FAM117B: variants seen among roughly 807,000 people sequenced by gnomAD.
The protein encoded by FAM117B is protein FAM117B.
In FAM117B, 22 loss-of-function variants were observed where a neutral mutation model predicts 52.8. The observed-to-expected ratio is 0.42, with a 90% CI of 0.30 to 0.59. FAM117B has a LOEUF of 0.59. FAM117B is among the 20% of genes least tolerant of loss of function. The pLI is 0.22. For synonymous variants in FAM117B, 309 were observed against 324.1 expected (o/e 0.95, Z 0.50); for missense variants, 678 against 802.6 (o/e 0.84, Z 1.88).
intron 1 of FAM117B, among the ~76,000 whole-genome samples, chr2:202,695,467 G>C (rs1372385776): frequency 6.6e-6 from 1 of 152,074 alleles, no homozygotes; most frequent in Non-Finnish European, 1.5e-5. Flanking sequence ...CTCCCTACCT[G>C]CTAGTCACTT....
At chr2:202,707,957 T>A (rs140501745) in intron 2 of FAM117B, among the ~76,000 whole-genome samples, 2 of 151,740 alleles carry the variant, frequency 1.3e-5, no homozygotes, top group Non-Finnish European at 2.9e-5. Context: ...TTGGTAGAGA[T>A]GGGGGTTTCA....
intron 4 of FAM117B, among the ~76,000 whole-genome samples, chr2:202,751,823 C>G (rs1411856183): frequency 6.0e-5 from 9 of 148,802 alleles, no homozygotes; most frequent in Non-Finnish European, 1.5e-5. Flanking sequence ...TATCTGTGCA[C>G]CAAAGATCTG....
chr2:202,715,764 C>A (rs1314753922), intron 2 of FAM117B, among the ~76,000 whole-genome samples: 7 of 152,232 alleles, frequency 4.6e-5, no homozygotes, highest in Admixed American at 4.6e-4. Context: ...AAGCCGAGAT[C>A]AGGCCACCGC....
At chr2:202,710,168 G>A (rs2105781846) in intron 2 of FAM117B, among the ~76,000 whole-genome samples, 1 of 152,294 alleles carries the variant, frequency 6.6e-6, no homozygotes, top group East Asian at 1.9e-4. Flanking sequence ...AAATGCCACT[G>A]GGATTTTGAT....
At chr2:202,757,496 T>C in intron 6 of FAM117B, 58 bp downstream of exon 6, 1 of 1,483,848 alleles carries the variant, frequency 6.7e-7, no homozygotes, top group Non-Finnish European at 9.3e-7. Context: ...TCTTGTATCA[T>C]TCATTCTATT....
At chr2:202,651,521 C>A (rs1290374451) in intron 1 of FAM117B, among the ~76,000 whole-genome samples, 1 of 151,412 alleles carries the variant, frequency 6.6e-6, no homozygotes, top group Non-Finnish European at 1.5e-5. Flanking sequence ...TATAGTCGCT[C>A]ACGACCATGC....
At chr2:202,746,342 A>T (rs1452594589) in intron 4 of FAM117B, among the ~76,000 whole-genome samples, 1 of 152,204 alleles carries the variant, frequency 6.6e-6, no homozygotes, top group Non-Finnish European at 1.5e-5. Flanking sequence ...CATGGAAGTT[A>T]ACATGCTCCT....
At chr2:202,640,275 A>AACC (rs1031219951) in intron 1 of FAM117B, among the ~76,000 whole-genome samples, 4 of 128,506 alleles carry the variant, frequency 3.1e-5, no homozygotes, top group Middle Eastern at 4.1e-3. Flanking sequence ...CCGTCACAAC[A>AACC]ACCACCACCA....
intron 2 of FAM117B, among the ~76,000 whole-genome samples, chr2:202,722,133 C>T (rs1177807633): frequency 6.6e-6 from 1 of 151,276 alleles, no homozygotes; most frequent in Non-Finnish European, 1.5e-5. Context: ...GCCTCAGCCT[C>T]CCAAGCAGCT....
chr2:202,728,116 A>G (rs945079420), intron 4 of FAM117B, among the ~76,000 whole-genome samples: 7 of 152,104 alleles, frequency 4.6e-5, no homozygotes, highest in African/African-American at 1.7e-4. Flanking sequence ...AGTAGATGAG[A>G]CTACATATGT....
At chr2:202,638,110 A>T (rs1025361806) in intron 1 of FAM117B, among the ~76,000 whole-genome samples, 6 of 152,156 alleles carry the variant, frequency 3.9e-5, no homozygotes, top group Non-Finnish European at 7.3e-5. Context: ...TCCCAACCTC[A>T]GGTGACCTGC....
chr2:202,745,530 GGAA>G (rs1691618521), intron 4 of FAM117B, among the ~76,000 whole-genome samples: 1 of 152,004 alleles, frequency 6.6e-6, no homozygotes, highest in Non-Finnish European at 1.5e-5. Flanking sequence ...CAATAAAAGA[GGAA>G]GAAAGGAACA....
At position 202,635,455 on chromosome 2, in the gene FAM117B, C is replaced by T; in HGVS notation, c.268C>T (p.Arg90Cys). 1 of 1,159,520 alleles carries T rather than the reference C, an allele frequency of 8.6e-7. No homozygotes were observed. The highest frequency in any genetic ancestry group is 4.2e-5 in the South Asian group (1 of 24,072). The allele number at this position is 1,159,520 out of a possible 1,614,324, so 71.8% of individuals were successfully genotyped here. A position where few individuals can be genotyped will look rare whatever the true frequency, so the allele number is the denominator to read the frequency against. ...CGGCGGTGGCCCGCGCACCGCCTCGCGCAGCACCAGCCCCACGCGCGGCGG... is the reference window on the plus strand; with the variant it reads ...CGGCGGTGGCCCGCGCACCGCCTCGTGCAGCACCAGCCCCACGCGCGGCGG... ...GGGGGPRTAS[R>C]STSPTRGGGN... Residue 90 changes from arginine (R) to cysteine (C), a missense_variant, in exon 1 of 8, where the codon CGC becomes TGC. Around this residue, in one of 3 missense-constraint regions of FAM117B, gnomAD observed 583 missense variants for 644.8 expected, o/e 0.90. Coordinates refer to ENST00000392238, the MANE Select transcript of FAM117B (RefSeq NM_173511.4).
At chr2:202,675,239 A>C (rs532527988) in intron 1 of FAM117B, among the ~76,000 whole-genome samples, 11 of 151,546 alleles carry the variant, frequency 7.3e-5, no homozygotes, top group Non-Finnish European at 1.5e-4. Context: ...AAAAAAAAAA[A>C]CAACAACAAA....
At chr2:202,660,924 A>G (rs528884289) in intron 1 of FAM117B, among the ~76,000 whole-genome samples, 2 of 152,204 alleles carry the variant, frequency 1.3e-5, no homozygotes, top group East Asian at 1.9e-4. Flanking sequence ...CCAGAAGAGT[A>G]AAAAAGAGAG....
chr2:202,757,698 A>G (rs115864338), intron 6 of FAM117B, among the ~76,000 whole-genome samples: 3,094 of 152,266 alleles, frequency 0.02, 127 homozygotes, highest in African/African-American at 0.071. Flanking sequence ...TTGGTGAGAA[A>G]CATTCTTTTT....
rs368524743 is a variant in FAM117B, at chr2:202,732,714, G to A, written c.960+6351G>A. 7.9e-5 allele frequency among the ~76,000 whole-genome samples: 12 copies of A among 152,132 alleles called. No individual in the cohort carries two copies. The South Asian group carries it at 1.0e-3, about 13-fold the overall frequency. On this transcript the variant is annotated intron_variant, in intron 4 of 7. Transcript: ENST00000392238. ...CACGTGCCTGTAGTCCCAGCTACTC[G>A]GGAGGCTGCGGCAGGAGAATCACCT...
intron 7 of FAM117B, among the ~76,000 whole-genome samples, chr2:202,763,070 C>CTT (rs11292183): frequency 2.2e-4 from 24 of 106,962 alleles, no homozygotes; most frequent in South Asian, 3.1e-4. Flanking sequence ...AGTCTTAAGT[C>CTT]TTTTTTTTTT....
At chr2:202,748,339 CAT>C (rs1352757756) in intron 4 of FAM117B, among the ~76,000 whole-genome samples, 6 of 151,966 alleles carry the variant, frequency 3.9e-5, no homozygotes, top group Non-Finnish European at 5.9e-5. Context: ...TGGAAGAAAA[CAT>C]AGGGGAAATG....
Sources: allele counts gnomAD v4.1 joint callset (sites outside exome capture counted in the v4.1 genomes callset), GRCh38; gene constraint gnomAD v4.1.1; regional missense constraint gnomAD v4.1.1; transcripts MANE v1.5; gene names NCBI Gene and HGNC (gene_info 2026-07-23, HGNC 2026-07-21).